CWF19L2: variants seen among roughly 807,000 people sequenced by gnomAD.
CWF19L2 encodes CWF19 like cell cycle control factor 2, also known as CWF19-like protein 2.
A neutral mutation model predicts 111.7 loss-of-function variants in CWF19L2; 98 were observed. The observed-to-expected ratio is 0.88, with a 90% CI of 0.75 to 1.04. The LOEUF (loss-of-function observed/expected upper bound fraction) is 1.04. Among genes scored for constraint, CWF19L2 ranks in the 50% least tolerant of loss-of-function variants. CWF19L2 has a pLI of 0.00. For missense variants in CWF19L2, 1,101 were observed against 1,051.4 expected (o/e 1.05, Z -0.65); for synonymous variants, 351 against 342.9 (o/e 1.02, Z -0.26).
chr11:107,411,014 CAAGAAGTAACACA>C lies in CWF19L2; in HGVS notation c.1617+5182_1617+5194del, dbSNP rs1042753377. Among the ~76,000 whole-genome samples, 228 of 151,824 alleles carry C rather than the reference CAAGAAGTAACACA, an allele frequency of 1.5e-3. 1 individual carries two copies. Among genetic ancestry groups the C allele is most frequent in the African/African-American group, 5.3e-3 (218 of 41,356 alleles). ...TGGTAGGGTCAGCAAAGCTTGACTA[CAAGAAGTAACACA>C]AAAATCTCAGGCTTAGGTCTATGCT... On this transcript the variant is annotated intron_variant, in intron 10 of 17. Coordinates refer to ENST00000282251, the MANE Select transcript of CWF19L2 (RefSeq NM_152434.3).
chr11:107,396,771 G>A (rs1229950781), intron 10 of CWF19L2, among the ~76,000 whole-genome samples: 1 of 152,106 alleles, frequency 6.6e-6, no homozygotes, highest in Admixed American at 6.6e-5. Context: ...GCAATCCCGA[G>A]AGGACCCACA....
At chr11:107,372,505 A>T (rs1860526120) in intron 12 of CWF19L2, among the ~76,000 whole-genome samples, 1 of 136,900 alleles carries the variant, frequency 7.3e-6, no homozygotes, top group Non-Finnish European at 1.6e-5. Flanking sequence ...ATGAGTCTAA[A>T]GAGGTAGTGA....
intron 8 of CWF19L2, among the ~76,000 whole-genome samples, chr11:107,421,974 G>T (rs75683389): frequency 0.013 from 1,966 of 152,052 alleles, 48 homozygotes; most frequent in African/African-American, 0.043. Context: ...TCACCAACAG[G>T]AGAATGGAAA....
rs34087819 is a variant in CWF19L2, at chr11:107,428,945, T to C, written c.1287A>G (p.Lys429=). 2,796 of 1,613,778 alleles carry C rather than the reference T, an allele frequency of 1.7e-3. 40 individuals are homozygous for C. The African/African-American group carries it at 0.032, about 19-fold the overall frequency. The change falls in exon 8 of 18, where the codon AAA becomes AAG. Residue 429 remains lysine (K), a synonymous_variant. Transcript: ENST00000282251. The stretch of plus-strand genomic sequence containing the variant: ...TTTCCGATGGCTTTTGATTTGAATG[T>C]TTCTTGTCTCCTCTCCCATCAGAGC... ...WSRSDGRGDK[K]HSNQKPSETS... is the part of the protein sequence containing the mutation.
At chr11:107,345,269 A>C (rs1395916503) in intron 14 of CWF19L2, 1 of 198,244 alleles carries the variant, frequency 5.0e-6, no homozygotes, top group African/African-American at 2.4e-5. Context: ...TAGAGTGAGA[A>C]GATAACCTTA....
intron 10 of CWF19L2, among the ~76,000 whole-genome samples, chr11:107,401,829 C>G (rs1861003918): frequency 6.6e-6 from 1 of 152,142 alleles, no homozygotes. Context: ...TGATTTCAAA[C>G]TATACTATAA....
chr11:107,406,827 G>A lies in CWF19L2; in HGVS notation c.1617+9382C>T, dbSNP rs193170132. ...GTTTTTAATCTATCCTTTGTATATC[G>A]TATCTACTCTTTGTTATGTTCTCTC... On this transcript the variant is annotated intron_variant, in intron 10 of 17. Transcript: ENST00000282251. Among the ~76,000 whole-genome samples, 245 of 150,240 alleles carry A rather than the reference G, an allele frequency of 1.6e-3. 1 individual carries two copies. The highest frequency in any genetic ancestry group is 5.5e-3 in the African/African-American group (224 of 41,094).
chr11:107,457,583 G>T lies in CWF19L2; in HGVS notation c.105+129C>A, dbSNP rs988141447. 4.6e-6 allele frequency: 3 copies of T among 654,710 alleles called. No homozygotes were observed. In the Admixed American group the frequency reaches 8.4e-5, roughly 18 times the overall value. The allele number at this position is 654,710 out of a possible 1,614,324, so 40.6% of individuals were successfully genotyped here. ...AAAAGGGTTTACCGGCATTGCAAAG[G>T]GAGAACTCACCCAAATTAAGGTGAG... On this transcript the variant is annotated intron_variant, in intron 1 of 17. Coordinates refer to ENST00000282251, the MANE Select transcript of CWF19L2 (RefSeq NM_152434.3).
In CWF19L2 at chr11:107,433,660, C is replaced by CA; in HGVS notation, c.753dup (p.Glu252Ter). On this transcript the variant is annotated frameshift_variant, in exon 7 of 18. Coordinates refer to ENST00000282251, the MANE Select transcript of CWF19L2 (RefSeq NM_152434.3). LOFTEE classifies it high-confidence loss of function. Reference sequence around the variant, plus strand: ...CCATATCTTTCGGCTACAATGTCCTCAAAGTTTCTACTTTGTTTCTCAGCT... The same window carrying CA: ...CCATATCTTTCGGCTACAATGTCCTCAAAAGTTTCTACTTTGTTTCTCAGCT... 6.3e-7 allele frequency: 1 copy of CA among 1,577,250 alleles called. No homozygotes were observed. The highest frequency in any genetic ancestry group is 8.6e-7 in the Non-Finnish European group (1 of 1,159,750).
chr11:107,397,467 T>C (rs1860940892), intron 10 of CWF19L2, among the ~76,000 whole-genome samples: 1 of 151,966 alleles, frequency 6.6e-6, no homozygotes, highest in African/African-American at 2.4e-5. Flanking sequence ...AACACAACTC[T>C]AGTGACCTGG....
rs991980726 is a variant in CWF19L2, at chr11:107,434,274, G to A, written c.665-525C>T. Among the ~76,000 whole-genome samples the A allele has an allele frequency of 1.1e-4, 16 of 152,128 alleles. 1 individual carries two copies. Among genetic ancestry groups the A allele is most frequent in the African/African-American group, 3.6e-4 (15 of 41,544 alleles). On this transcript the variant is annotated intron_variant, in intron 6 of 17. Transcript: ENST00000282251. ...AAGAACAAATAAGGAGGCTATGGAAGATAATGCCAAAGTGGATGTTAAAAC... is the reference window on the plus strand; with the variant it reads ...AAGAACAAATAAGGAGGCTATGGAAAATAATGCCAAAGTGGATGTTAAAAC...
At chr11:107,358,470 A>T (rs1860272444) in intron 12 of CWF19L2, among the ~76,000 whole-genome samples, 1 of 152,228 alleles carries the variant, frequency 6.6e-6, no homozygotes, top group Non-Finnish European at 1.5e-5. Flanking sequence ...GACAAGGTTG[A>T]GTTACCACAT....
chr11:107,428,613 A>G (rs1415146624), intron 8 of CWF19L2, among the ~76,000 whole-genome samples, 186 bp downstream of exon 8: 6 of 151,890 alleles, frequency 4.0e-5, no homozygotes, highest in Admixed American at 3.9e-4. Flanking sequence ...AAAAAAAAAA[A>G]ACCTATGAAA....
chr11:107,341,200 A>G lies in CWF19L2; in HGVS notation c.2203-4487T>C, dbSNP rs557120361. ...GTTCAAACTGGACCCTAAGCACATT[A>G]CTGAAGTGCCATCTGGTGTTCCTTA... On this transcript the variant is annotated intron_variant, in intron 14 of 17. Transcript: ENST00000282251. 1.1e-4 allele frequency among the ~76,000 whole-genome samples: 17 copies of G among 152,360 alleles called. 1 individual carries two copies. The South Asian group carries it at 3.5e-3, about 32-fold the overall frequency.
intron 3 of CWF19L2, among the ~76,000 whole-genome samples, chr11:107,450,468 ACTTG>A (rs1861762922): frequency 6.6e-6 from 1 of 152,062 alleles, no homozygotes; most frequent in South Asian, 2.1e-4. Context: ...TGGGAGAGTC[ACTTG>A]AGCCCCAGGG....
At chr11:107,360,917 C>T (rs760497758) in intron 12 of CWF19L2, among the ~76,000 whole-genome samples, 18 of 152,218 alleles carry the variant, frequency 1.2e-4, no homozygotes, top group Admixed American at 3.3e-4. Flanking sequence ...AATATTTTCT[C>T]GCACTGTGCA....
At chr11:107,333,251 T>C (rs1335828886) in intron 16 of CWF19L2, among the ~76,000 whole-genome samples, 1 of 152,204 alleles carries the variant, frequency 6.6e-6, no homozygotes, top group East Asian at 1.9e-4. Flanking sequence ...ACTGCCATTT[T>C]TACAGTATCT....
At chr11:107,401,905 T>C (rs1250707823) in intron 10 of CWF19L2, among the ~76,000 whole-genome samples, 1 of 152,088 alleles carries the variant, frequency 6.6e-6, no homozygotes, top group Non-Finnish European at 1.5e-5. Flanking sequence ...TGTAACAGAA[T>C]AGAGAACCCA....
rs1410766126 is a variant in CWF19L2 at position 107,429,357 on chromosome 11, T to C, written c.875A>G (p.Tyr292Cys). 1.2e-6 allele frequency: 2 copies of C among 1,601,360 alleles called. No homozygotes were observed. Among genetic ancestry groups the C allele is most frequent in the Non-Finnish European group, 1.7e-6 (2 of 1,172,320 alleles). The change falls in exon 8 of 18, where the codon TAT (tyrosine) becomes TGT (cysteine). Residue 292 changes from tyrosine (Y) to cysteine (C), a missense_variant. Physicochemically the swap from Tyr to Cys is radical, Grantham distance 194. Transcript: ENST00000282251. ...YRRERWRKPT[Y>C]SDKAQNCQES... ...TTGACAATTTTGTGCTTTATCTGAA[T>C]ATGTGGGTTTCCTCCACCGTTCCCG...
Sources: allele counts gnomAD v4.1 joint callset (sites outside exome capture counted in the v4.1 genomes callset), GRCh38; gene constraint gnomAD v4.1.1; transcripts MANE v1.5; gene names NCBI Gene and HGNC (gene_info 2026-07-23, HGNC 2026-07-21).